Variants in UST observed in about 807,000 individuals in gnomAD.
The protein encoded by UST is uronyl 2-sulfotransferase.
UST carries 21 observed loss-of-function variants against 45.6 expected under a neutral mutation model. That is an observed-to-expected ratio of 0.46 (90% CI 0.33 to 0.66). UST has a LOEUF of 0.66. Ranked by LOEUF, UST falls within the 30% of genes least tolerant of loss-of-function variation. The pLI is 0.02. For missense variants in UST, 463 were observed against 512.4 expected, an observed-to-expected ratio of 0.90 and a Z score of 0.93; for synonymous variants, 215 against 200.6, an observed-to-expected ratio of 1.07 and a Z score of -0.61.
intron 1 of UST, among the ~76,000 whole-genome samples, chr6:148,757,266 G>A (rs1332434824): frequency 6.6e-6 from 1 of 152,240 alleles, no homozygotes; most frequent in Non-Finnish European, 1.5e-5. Flanking sequence ...GAATAGCTGA[G>A]ATCAGTTTAG....
chr6:149,048,545 AAAAG>A (rs1181557286), intron 7 of UST, among the ~76,000 whole-genome samples: 2 of 151,994 alleles, frequency 1.3e-5, no homozygotes, highest in Non-Finnish European at 1.5e-5. Context: ...AAAAAAAAAA[AAAAG>A]AGAGAGAGAG....
intron 1 of UST, among the ~76,000 whole-genome samples, chr6:148,821,655 A>G (rs1373171441): frequency 6.6e-6 from 1 of 152,226 alleles, no homozygotes; most frequent in Non-Finnish European, 1.5e-5. Context: ...GCATCCGTTG[A>G]TGATTCTCGT....
At chr6:149,059,834 G>A (rs1184012072) in intron 7 of UST, among the ~76,000 whole-genome samples, 2 of 152,036 alleles carry the variant, frequency 1.3e-5, no homozygotes, top group African/African-American at 2.4e-5. Context: ...CTAGAAGCCC[G>A]TCCAACAGCT....
chr6:148,962,966 T>C (rs1780696077), intron 4 of UST, among the ~76,000 whole-genome samples: 1 of 152,228 alleles, frequency 6.6e-6, no homozygotes, highest in African/African-American at 2.4e-5. Flanking sequence ...ACTCAGATGT[T>C]CATTTCTTCA....
At chr6:148,946,126 A>C (rs1780230154) in intron 3 of UST, among the ~76,000 whole-genome samples, 2 of 152,178 alleles carry the variant, frequency 1.3e-5, no homozygotes, top group African/African-American at 4.8e-5. Flanking sequence ...TAGGGGGAAA[A>C]AACCCAACTC....
chr6:149,053,677 G>T (rs1344546810), intron 7 of UST, among the ~76,000 whole-genome samples: 1 of 152,182 alleles, frequency 6.6e-6, no homozygotes, highest in East Asian at 1.9e-4. Flanking sequence ...ATGAAATTGA[G>T]AACTAATTAT....
chr6:148,891,440 C>T (rs147901642), intron 2 of UST, among the ~76,000 whole-genome samples: 74 of 152,340 alleles, frequency 4.9e-4, no homozygotes, highest in African/African-American at 1.6e-3. Context: ...CTGTGTGCCA[C>T]ACACTATGCT....
At chr6:149,019,045 G>A (rs1775944013) in intron 5 of UST, 94 bp from the exon 6 acceptor site, 2 of 966,406 alleles carry the variant, frequency 2.1e-6, no homozygotes, top group Non-Finnish European at 1.7e-6. Context: ...GCGTGCCTGT[G>A]TAATTCAATC....
intron 5 of UST, chr6:149,005,699 G>A: frequency 1.2e-6 from 1 of 807,112 alleles, no homozygotes; most frequent in Non-Finnish European, 1.5e-6. Flanking sequence ...AGCACATTGA[G>A]CTTGATAACT....
intron 1 of UST, among the ~76,000 whole-genome samples, chr6:148,838,974 C>A (rs527949038): frequency 6.6e-6 from 1 of 152,306 alleles, no homozygotes; most frequent in South Asian, 2.1e-4. Flanking sequence ...TATTCAATTT[C>A]ATTATCTATT....
intron 2 of UST, among the ~76,000 whole-genome samples, chr6:148,901,646 C>T (rs1325949769): frequency 4.0e-5 from 6 of 151,730 alleles, no homozygotes; most frequent in Non-Finnish European, 8.8e-5. Flanking sequence ...CAACCTCTGC[C>T]TCCCGGGTTC....
chr6:148,762,948 A>G (rs1327785016), intron 1 of UST, among the ~76,000 whole-genome samples: 1 of 152,214 alleles, frequency 6.6e-6, no homozygotes, highest in Non-Finnish European at 1.5e-5. Flanking sequence ...TGTTGTGAAT[A>G]GTGCTATGAT....
intron 5 of UST, among the ~76,000 whole-genome samples, chr6:148,980,581 T>C (rs989738887): frequency 4.6e-5 from 7 of 152,238 alleles, no homozygotes; most frequent in Admixed American, 3.9e-4. Context: ...TCTGGACCTA[T>C]CCTGCCAGCC....
At chr6:148,965,873 TC>T (rs1160134906) in intron 5 of UST, among the ~76,000 whole-genome samples, 1 of 129,956 alleles carries the variant, frequency 7.7e-6, no homozygotes, top group Non-Finnish European at 1.6e-5. Context: ...AAGTGGCTTT[TC>T]CCTTTTTTTT....
At chr6:148,880,814 G>T (rs1778809818) in intron 1 of UST, among the ~76,000 whole-genome samples, 1 of 152,200 alleles carries the variant, frequency 6.6e-6, no homozygotes, top group African/African-American at 2.4e-5. Context: ...TGGATCACGA[G>T]ATCAGGAGAT....
At chr6:148,951,723 G>A (rs1044437994) in intron 3 of UST, among the ~76,000 whole-genome samples, 4 of 152,218 alleles carry the variant, frequency 2.6e-5, no homozygotes, top group African/African-American at 7.2e-5. Context: ...AATTTGTGAA[G>A]ATCAAACCGG....
chr6:148,760,558 T>C (rs1776195271), intron 1 of UST, among the ~76,000 whole-genome samples: 1 of 152,158 alleles, frequency 6.6e-6, no homozygotes, highest in Non-Finnish European at 1.5e-5. Context: ...CCTGCTCTGC[T>C]ACACACATAA....
At chr6:149,038,238 T>C (rs1382464098) in intron 7 of UST, among the ~76,000 whole-genome samples, 2 of 151,574 alleles carry the variant, frequency 1.3e-5, no homozygotes, top group Non-Finnish European at 2.9e-5. Context: ...CCCCTTCCCC[T>C]GCAAAATATG....
chr6:148,808,253 C>T (rs1431892870), intron 1 of UST, among the ~76,000 whole-genome samples: 2 of 152,312 alleles, frequency 1.3e-5, no homozygotes, highest in South Asian at 2.1e-4. Context: ...GCTTTTCTTA[C>T]CCAGTCACTT....
Sources: allele counts gnomAD v4.1 joint callset (sites outside exome capture counted in the v4.1 genomes callset), GRCh38; gene constraint gnomAD v4.1.1; transcripts MANE v1.5; gene names NCBI Gene and HGNC (gene_info 2026-07-23, HGNC 2026-07-21).